TMEM164: variants seen among roughly 807,000 people sequenced by gnomAD.
TMEM164 encodes RP13-360B22.2.
A neutral mutation model predicts 18.8 loss-of-function variants in TMEM164; 4 were observed. That is an observed-to-expected ratio of 0.21 (90% CI 0.10 to 0.49). TMEM164 has a LOEUF of 0.49. TMEM164 is among the 20% of genes least tolerant of loss of function. The pLI is 0.98. For synonymous variants in TMEM164, 86 were observed against 101.7 expected (o/e 0.85, Z 0.93); for missense variants, 108 against 239.9 (o/e 0.45, Z 3.63).
At chrX:110,113,443 ACT>A (rs1271136634) in intron 4 of TMEM164, among the ~76,000 whole-genome samples, 1 of 111,466 alleles carries the variant, frequency 9.0e-6, no homozygotes, top group Admixed American at 9.5e-5. Context: ...AGGATTGGCA[ACT>A]CTTTCTTAAA....
chrX:110,045,564 G>A (rs1375824346), intron 2 of TMEM164, among the ~76,000 whole-genome samples: 1 of 111,888 alleles, frequency 8.9e-6, no homozygotes, highest in Non-Finnish European at 1.9e-5. Context: ...CTGCCTCCCT[G>A]GCTTAGGTTG....
chrX:110,037,461 GA>G (rs1934863893), intron 2 of TMEM164, among the ~76,000 whole-genome samples: 1 of 111,904 alleles, frequency 8.9e-6, no homozygotes, highest in Non-Finnish European at 1.9e-5. Context: ...AGCCACATCA[GA>G]AAACACAAAT....
chrX:110,072,267 C>T (rs1400973882), intron 3 of TMEM164, among the ~76,000 whole-genome samples: 2 of 90,441 alleles, frequency 2.2e-5, no homozygotes, highest in African/African-American at 4.4e-5. Flanking sequence ...CACCACTGCA[C>T]ACCAGCCTGG....
At chrX:110,116,244 A>G (rs745903505) in intron 4 of TMEM164, among the ~76,000 whole-genome samples, 3 of 112,593 alleles carry the variant, frequency 2.7e-5, no homozygotes, top group Non-Finnish European at 3.7e-5. Context: ...TTCAATTCTC[A>G]TAAGAAACCC....
At chrX:110,051,975 C>G (rs1324439481) in intron 2 of TMEM164, among the ~76,000 whole-genome samples, 1 of 112,293 alleles carries the variant, frequency 8.9e-6, no homozygotes, top group East Asian at 2.8e-4. Context: ...AGTCGGTCTC[C>G]CAGACATATC....
At chrX:110,022,270 C>G (rs899224184) in intron 2 of TMEM164, among the ~76,000 whole-genome samples, 1 of 110,413 alleles carries the variant, frequency 9.1e-6, no homozygotes, top group African/African-American at 3.4e-5. Flanking sequence ...TTCCCAAAGC[C>G]TTGGGAGTGG....
intron 2 of TMEM164, among the ~76,000 whole-genome samples, chrX:110,004,443 C>T (rs1932550371): frequency 9.0e-6 from 1 of 110,997 alleles, no homozygotes. Flanking sequence ...CAGCCCAACC[C>T]TGCCGTGCCC....
intron 3 of TMEM164, among the ~76,000 whole-genome samples, chrX:110,091,780 G>C (rs1487963852): frequency 8.9e-6 from 1 of 111,916 alleles, no homozygotes; most frequent in Non-Finnish European, 1.9e-5. Context: ...TGAAGTCTTT[G>C]CCCATGCCTA....
intron 5 of TMEM164, among the ~76,000 whole-genome samples, chrX:110,149,104 T>C (rs1026494962): frequency 8.2e-5 from 9 of 110,320 alleles, no homozygotes; most frequent in African/African-American, 3.0e-4. Flanking sequence ...TTAACTAAAA[T>C]ATATACGCTT....
chrX:110,103,757 C>T (rs1362485891), intron 3 of TMEM164, among the ~76,000 whole-genome samples: 3 of 111,728 alleles, frequency 2.7e-5, no homozygotes, highest in Non-Finnish European at 5.6e-5. Flanking sequence ...AATATCATGA[C>T]TTTTCTTTGC....
At chrX:110,150,157 G>C (rs1450402757) in intron 5 of TMEM164, among the ~76,000 whole-genome samples, 1 of 112,551 alleles carries the variant, frequency 8.9e-6, no homozygotes, top group Non-Finnish European at 1.9e-5. Flanking sequence ...AGCTGACTGA[G>C]TTTGGGGGTT....
intron 3 of TMEM164, among the ~76,000 whole-genome samples, chrX:110,095,858 G>A (rs778301661): frequency 2.7e-5 from 3 of 112,218 alleles, no homozygotes; most frequent in South Asian, 7.4e-4. Context: ...CGTACAGATG[G>A]GGTTTTGGTG....
Position 110,021,623 on chromosome X carries a change from G to A in TMEM164, c.390+17459G>A, listed in dbSNP as rs768461345. 2.7e-5 allele frequency among the ~76,000 whole-genome samples: 3 copies of A among 111,548 alleles called. No individual in the cohort carries two copies. In the South Asian group the frequency reaches 1.1e-3, roughly 42 times the overall value. On this transcript the variant is annotated intron_variant, in intron 2 of 6. Coordinates refer to ENST00000372068, the MANE Select transcript of TMEM164 (RefSeq NM_032227.4). The stretch of plus-strand genomic sequence containing the variant: ...TGAGGAAACATCAGTGTGAAGCGGG[G>A]AGCAGGGTAGTTGAGAAGGGACAAA...
intron 3 of TMEM164, among the ~76,000 whole-genome samples, chrX:110,068,064 C>A (rs189741262): frequency 8.9e-6 from 1 of 112,777 alleles, no homozygotes; most frequent in African/African-American, 3.2e-5. Flanking sequence ...GAATTAATTT[C>A]ATCTCTTTTC....
At chrX:110,151,171 T>C (rs1465902189) in intron 5 of TMEM164, among the ~76,000 whole-genome samples, 1 of 112,569 alleles carries the variant, frequency 8.9e-6, no homozygotes, top group African/African-American at 3.2e-5. Context: ...CTTTTGATAA[T>C]GTAAATAACA....
chrX:110,140,543 G>A (rs2066755022), intron 4 of TMEM164, among the ~76,000 whole-genome samples: 1 of 111,591 alleles, frequency 9.0e-6, no homozygotes, highest in Admixed American at 9.5e-5. Context: ...GGGTTGTAGA[G>A]TGGGAGGAAG....
intron 4 of TMEM164, among the ~76,000 whole-genome samples, chrX:110,128,306 C>T (rs1451614139): frequency 1.8e-5 from 2 of 112,223 alleles, no homozygotes; most frequent in East Asian, 5.6e-4. Context: ...GATGTGACTA[C>T]TATGTGTCCA....
At chrX:110,039,573 A>G (rs1034620797) in intron 2 of TMEM164, among the ~76,000 whole-genome samples, 11 of 112,257 alleles carry the variant, frequency 9.8e-5, no homozygotes, top group African/African-American at 2.9e-4. Context: ...TGAAGAGTAC[A>G]TTCCCAGGAA....
At chrX:110,161,850 G>C (rs2067097935) in intron 5 of TMEM164, among the ~76,000 whole-genome samples, 1 of 112,567 alleles carries the variant, frequency 8.9e-6, no homozygotes, top group Non-Finnish European at 1.9e-5. Flanking sequence ...TATGGGGCAG[G>C]GCCCAGGAAG....
Sources: allele counts gnomAD v4.1 joint callset (sites outside exome capture counted in the v4.1 genomes callset), GRCh38; gene constraint gnomAD v4.1.1; transcripts MANE v1.5; gene names NCBI Gene and HGNC (gene_info 2026-07-23, HGNC 2026-07-21).